Variants in SFMBT2 observed in about 807,000 individuals in gnomAD.
The protein encoded by SFMBT2 is scm-like with four MBT domains protein 2.
Under a neutral mutation model 110.1 loss-of-function variants are expected in SFMBT2, and 38 were observed. The ratio of observed to expected loss-of-function variants is 0.35; its 90% CI spans 0.27 to 0.45. SFMBT2 has a LOEUF of 0.45. Among genes scored for constraint, SFMBT2 ranks in the 20% least tolerant of loss-of-function variants. The probability of loss-of-function intolerance (pLI) is 1.00; values close to 1 mark genes in which losing one functional copy is unlikely to be tolerated. For missense variants in SFMBT2, 1,011 were observed against 1,094.9 expected (o/e 0.92, Z 1.08); for synonymous variants, 425 against 425.4 (o/e 1.00, Z 0.01).
intron 15 of SFMBT2, among the ~76,000 whole-genome samples, chr10:7,195,409 G>A (rs989993063): frequency 1.3e-5 from 2 of 152,098 alleles, no homozygotes; most frequent in Non-Finnish European, 2.9e-5. Context: ...TCTCATATAT[G>A]GAATCTACTT....
chr10:7,190,292 A>G lies in SFMBT2; in HGVS notation c.1699-1559T>C, dbSNP rs911478114. ...CAGTTTAAAAATAAATCTAATTAGT[A>G]CTGACTGCAATAACGCACACAGTGT... On this transcript the variant is annotated intron_variant, in intron 15 of 20. Coordinates refer to ENST00000397167, the MANE Select transcript of SFMBT2 (RefSeq NM_001387889.1). 2.4e-4 allele frequency among the ~76,000 whole-genome samples: 36 copies of G among 152,226 alleles called. 2 individuals carry two copies. The highest frequency in any genetic ancestry group is 7.3e-5 in the Non-Finnish European group (5 of 68,044).
At chr10:7,208,034 A>C (rs558494029) in intron 11 of SFMBT2, among the ~76,000 whole-genome samples, 40 of 152,384 alleles carry the variant, frequency 2.6e-4, no homozygotes, top group African/African-American at 9.4e-4. Context: ...AACAAGGTTA[A>C]ATAAATAGAC....
chr10:7,163,666 GT>G lies in SFMBT2; in HGVS notation c.*103del. The G allele has an allele frequency of 2.0e-6, 2 of 1,020,986 alleles. 1 individual carries two copies. Among genetic ancestry groups the G allele is most frequent in the Non-Finnish European group, 2.9e-6 (2 of 686,594 alleles). 63.2% of individuals were successfully genotyped at this position (1,020,986 alleles called of 1,614,324 possible). A position where few individuals can be genotyped will look rare whatever the true frequency, so the allele number is the denominator to read the frequency against. On this transcript the variant is annotated 3_prime_UTR_variant, in exon 21 of 21. Transcript: ENST00000397167. This position sits in a 1 kb window ranked among gnomAD's most constrained non-coding sequence, Gnocchi z 4.8. ...GCTTCTGGTTTTCTGGTGATACTTA[GT>G]GGCTGTACCATTTAACATATCCCGG...
chr10:7,392,982 ATT>A (rs1491505176), intron 1 of SFMBT2, among the ~76,000 whole-genome samples: 5 of 92,660 alleles, frequency 5.4e-5, no homozygotes, highest in Non-Finnish European at 1.1e-4. Flanking sequence ...ATGTGGATAG[ATT>A]ATATATATAT....
chr10:7,333,392 C>CT (rs58271261), intron 4 of SFMBT2, among the ~76,000 whole-genome samples: 31,820 of 138,366 alleles, frequency 0.23, 4,071 homozygotes, highest in African/African-American at 0.36. Context: ...TGAGGCTTAC[C>CT]TTTTTTTTTT....
At chr10:7,251,523 G>A (rs759820248) in intron 7 of SFMBT2, among the ~76,000 whole-genome samples, 2 of 152,114 alleles carry the variant, frequency 1.3e-5, no homozygotes, top group Non-Finnish European at 2.9e-5. Flanking sequence ...ACCCATCAGC[G>A]GGAAATGAGT....
chr10:7,195,742 C>G (rs1323547216), intron 15 of SFMBT2, among the ~76,000 whole-genome samples: 1 of 152,184 alleles, frequency 6.6e-6, no homozygotes, highest in Non-Finnish European at 1.5e-5. Context: ...CCACAGATTG[C>G]AGATGCCTCC....
intron 1 of SFMBT2, among the ~76,000 whole-genome samples, chr10:7,397,155 A>G (rs1056273668): frequency 9.2e-5 from 14 of 152,350 alleles, no homozygotes; most frequent in African/African-American, 3.1e-4. Context: ...CTACATAAGC[A>G]TTAGAAATCA....
chr10:7,263,228 A>ATTTCTTTTCTTTTCTTTTCT (rs139395535), intron 7 of SFMBT2, among the ~76,000 whole-genome samples: 3 of 150,914 alleles, frequency 2.0e-5, no homozygotes, highest in African/African-American at 7.3e-5. Context: ...AACAGCCTCT[A>ATTTCTTTTCTTTTCTTTTCT]TTTCTTTTCT....
intron 1 of SFMBT2, among the ~76,000 whole-genome samples, chr10:7,389,694 T>C (rs1000719208): frequency 6.6e-6 from 1 of 152,214 alleles, no homozygotes; most frequent in African/African-American, 2.4e-5. Flanking sequence ...CTGTGTGACA[T>C]AAACAAATTA....
Position 7,227,848 on chromosome 10 carries a change from T to C in SFMBT2, c.1203+7A>G. On this transcript the variant is annotated splice_region_variant and intron_variant, in intron 10 of 20. Transcript: ENST00000397167. ...TTTAAAAATTAGGTAAGAGAGAAGC[T>C]TCTTACATTTCGGAAGCAGAAGGGA... 1 of 1,601,884 alleles carries C rather than the reference T, an allele frequency of 6.2e-7. No homozygotes were observed. The highest frequency in any genetic ancestry group is 8.5e-7 in the Non-Finnish European group (1 of 1,174,836).
chr10:7,274,182 CG>C lies in SFMBT2; in HGVS notation c.870+2709del, dbSNP rs1841693770. Reference sequence around the variant, plus strand: ...AGTAGAAGCAAGTGTGGTAACCCCTCGTCTTCTTAAGATTAGCTCACAGACC... The same window carrying C: ...AGTAGAAGCAAGTGTGGTAACCCCTCTCTTCTTAAGATTAGCTCACAGACC... On this transcript the variant is annotated intron_variant, in intron 7 of 20. Transcript: ENST00000397167. Among the ~76,000 whole-genome samples the C allele has an allele frequency of 5.3e-5, 8 of 152,306 alleles. No homozygotes were observed. In the South Asian group the frequency reaches 1.7e-3, roughly 32 times the overall value.
chr10:7,282,833 T>C (rs1156477357), intron 6 of SFMBT2, among the ~76,000 whole-genome samples: 1 of 151,996 alleles, frequency 6.6e-6, no homozygotes, highest in Admixed American at 6.6e-5. Flanking sequence ...CAAAGAGCCA[T>C]GTCCTTATTC....
intron 4 of SFMBT2, among the ~76,000 whole-genome samples, chr10:7,359,750 A>T (rs947216188): frequency 2.0e-5 from 3 of 152,232 alleles, no homozygotes; most frequent in African/African-American, 7.2e-5. Flanking sequence ...CAAATTGGAA[A>T]ATATTCTGGA....
At chr10:7,222,675 T>C (rs1159884981) in intron 10 of SFMBT2, among the ~76,000 whole-genome samples, 1 of 139,384 alleles carries the variant, frequency 7.2e-6, no homozygotes, top group African/African-American at 2.8e-5. Context: ...CCCCATCTTC[T>C]TTTTTTTTTT....
At chr10:7,365,173 G>C (rs556901218) in intron 4 of SFMBT2, among the ~76,000 whole-genome samples, 61 of 152,186 alleles carry the variant, frequency 4.0e-4, no homozygotes, top group African/African-American at 1.4e-3. Context: ...GAGCTGGAGC[G>C]GGAACTAAAA....
chr10:7,185,037 C>T (rs943666929), intron 16 of SFMBT2, among the ~76,000 whole-genome samples: 14 of 152,162 alleles, frequency 9.2e-5, no homozygotes, highest in African/African-American at 3.1e-4. Context: ...CACCCAAACT[C>T]CTCAGAAATT....
intron 9 of SFMBT2, chr10:7,241,186 T>C (rs1388948545): frequency 3.9e-6 from 1 of 255,400 alleles, no homozygotes; most frequent in Non-Finnish European, 6.1e-6. Context: ...TCCACCATGA[T>C]TAGGAGGTTA....
chr10:7,276,895 A>G lies in SFMBT2; in HGVS notation c.867T>C (p.Phe289=), dbSNP rs1277721055. 1.1e-6 allele frequency: 1 copy of G among 870,562 alleles called. No homozygotes were observed. Among genetic ancestry groups the G allele is most frequent in the Non-Finnish European group, 2.0e-6 (1 of 499,458 alleles). 53.9% of individuals were successfully genotyped at this position (870,562 alleles called of 1,614,324 possible). Residue 289 remains phenylalanine (F), a synonymous_variant, in exon 7 of 21, where the codon TTT becomes TTC. Transcript: ENST00000397167. The part of the protein sequence containing the change: ...AAKFPLPMEV[F]KDHADLRSHF... ...TTGCTAAGAATCAACATCTTACCTT[A>G]AACACTTCCATTGGAAGAGGAAATT...
Sources: gnomAD v4.1 joint callset for allele counts (sites outside exome capture counted in the v4.1 genomes callset) on GRCh38, gnomAD v4.1.1 for gene constraint, Gnocchi (gnomAD v3.1) non-coding constraint, MANE v1.5 for transcripts, NCBI Gene and HGNC (gene_info 2026-07-23, HGNC 2026-07-21) for gene names.